Variants in CDH12 observed in about 807,000 individuals in gnomAD.
CDH12 encodes the protein cadherin 12, also known as cadherin-12.
In CDH12, 41 loss-of-function variants were observed where a neutral mutation model predicts 74.1. The observed-to-expected ratio is 0.55, with a 90% CI of 0.43 to 0.72. The LOEUF is 0.72. CDH12 is among the 30% of genes least tolerant of loss of function. The pLI, the probability that CDH12 is intolerant of heterozygous loss-of-function variation, is 0.00. For missense variants in CDH12, 945 were observed against 977.2 expected, an observed-to-expected ratio of 0.97 and a Z score of 0.44; for synonymous variants, 399 against 355.0, an observed-to-expected ratio of 1.12 and a Z score of -1.39.
chr5:22,305,336 C>G (rs1268536966), intron 3 of CDH12, among the ~76,000 whole-genome samples: 1 of 152,148 alleles, frequency 6.6e-6, no homozygotes, highest in African/African-American at 2.4e-5. Context: ...AGCCTCAATT[C>G]AGGTACTTCG....
intron 6 of CDH12, among the ~76,000 whole-genome samples, chr5:21,875,148 C>T (rs533382310): frequency 6.6e-6 from 1 of 152,276 alleles, no homozygotes; most frequent in African/African-American, 2.4e-5. Flanking sequence ...AATTAGTTAA[C>T]CATTGTGGAA....
chr5:22,767,311 G>A (rs1746567948), intron 1 of CDH12, among the ~76,000 whole-genome samples: 1 of 151,772 alleles, frequency 6.6e-6, no homozygotes, highest in Non-Finnish European at 1.5e-5. Flanking sequence ...TTCTTTAATT[G>A]GATATAAACA....
chr5:22,161,767 A>G (rs1748369923), intron 4 of CDH12, among the ~76,000 whole-genome samples: 1 of 152,104 alleles, frequency 6.6e-6, no homozygotes, highest in Non-Finnish European at 1.5e-5. Flanking sequence ...AAAAAAATCC[A>G]AACACCTCAA....
At chr5:22,638,004 T>A (rs563238031) in intron 1 of CDH12, among the ~76,000 whole-genome samples, 1 of 152,174 alleles carries the variant, frequency 6.6e-6, no homozygotes, top group Non-Finnish European at 1.5e-5. Context: ...AATTCACTCA[T>A]ACAAGCACAC....
At position 21,752,115 on chromosome 5, in the gene CDH12, A is replaced by G. The variant is rs764195039; in HGVS notation, c.2007T>C (p.Asp669=). 6 of 1,613,992 alleles carry G rather than the reference A, an allele frequency of 3.7e-6. No homozygotes were observed. The highest frequency in any genetic ancestry group is 4.2e-6 in the Non-Finnish European group (5 of 1,180,000). The part of the protein sequence containing the change: ...HYDDEGGGEE[D]TQAFDIGALR... ...GAGCCCCGATGTCGAAAGCCTGGGTATCTTCCTCCCCACCTCCTTCATCAT... is the reference window on the plus strand; with the variant it reads ...GAGCCCCGATGTCGAAAGCCTGGGTGTCTTCCTCCCCACCTCCTTCATCAT... Residue 669 remains aspartate, a synonymous_variant, in exon 15 of 15, where the codon GAT becomes GAC. Transcript: ENST00000382254.
chr5:21,872,787 T>A (rs12153057), intron 6 of CDH12, among the ~76,000 whole-genome samples: 1 of 61,694 alleles, frequency 1.6e-5, no homozygotes. Flanking sequence ...GAGTAAGATC[T>A]ATCTATCTAT....
At chr5:22,698,723 ATATATATATATAGTGTGTGTGT>A (rs1742542421) in intron 1 of CDH12, among the ~76,000 whole-genome samples, 3 of 16,504 alleles carry the variant, frequency 1.8e-4, no homozygotes, top group African/African-American at 7.7e-4. Flanking sequence ...ATATATATAT[ATATATATATATAGTGTGTGTGT>A]GTGTGTGTGT....
At chr5:21,982,040 C>T (rs947484754) in intron 5 of CDH12, among the ~76,000 whole-genome samples, 8 of 152,042 alleles carry the variant, frequency 5.3e-5, no homozygotes, top group African/African-American at 1.9e-4. Flanking sequence ...CCATAAATTG[C>T]CCAGAGATTT....
At chr5:22,337,523 A>T (rs1418101676) in intron 3 of CDH12, among the ~76,000 whole-genome samples, 1 of 152,056 alleles carries the variant, frequency 6.6e-6, no homozygotes. Flanking sequence ...ATGATAGTGA[A>T]TGTGTCTCAT....
chr5:22,269,485 C>T (rs2150399202), intron 3 of CDH12, among the ~76,000 whole-genome samples: 1 of 152,172 alleles, frequency 6.6e-6, no homozygotes, highest in Middle Eastern at 3.4e-3. Context: ...TATATAGACT[C>T]TTTCTATATA....
Position 22,105,251 on chromosome 5 carries a change from C to T in CDH12, c.-186-26389G>A, listed in dbSNP as rs1744362947. Among the ~76,000 whole-genome samples, 3 of 123,248 alleles carry T rather than the reference C, an allele frequency of 2.4e-5. 1 individual carries two copies. The Admixed American group carries it at 2.5e-4, about 10-fold the overall frequency. 80.9% of individuals were successfully genotyped at this position (123,248 alleles called of 152,430 possible). ...GGATTACAGGCATGCACCAGCACAC[C>T]CAGCTAATTTTTTTTATATTTTCAG... On this transcript the variant is annotated intron_variant, in intron 4 of 14. Transcript: ENST00000382254.
intron 4 of CDH12, among the ~76,000 whole-genome samples, chr5:22,086,890 C>G (rs1018966255): frequency 1.3e-5 from 2 of 152,084 alleles, no homozygotes; most frequent in East Asian, 3.9e-4. Context: ...GTTTGAAAAC[C>G]CTTGACAGTG....
intron 6 of CDH12, among the ~76,000 whole-genome samples, chr5:21,967,998 G>C (rs1756664242): frequency 6.6e-6 from 1 of 152,138 alleles, no homozygotes; most frequent in African/African-American, 2.4e-5. Context: ...CAAGGTAAAG[G>C]CGTCCTCTAC....
chr5:22,476,786 G>GAA, intron 2 of CDH12, among the ~76,000 whole-genome samples: 1 of 152,142 alleles, frequency 6.6e-6, no homozygotes, highest in South Asian at 2.1e-4. Context: ...ACTATATAGG[G>GAA]TGAACTATAC....
intron 1 of CDH12, among the ~76,000 whole-genome samples, chr5:22,773,198 C>T (rs1174989294): frequency 6.6e-6 from 1 of 151,990 alleles, no homozygotes; most frequent in African/African-American, 2.4e-5. Flanking sequence ...ATTACCAAGG[C>T]AATCCTAAGC....
intron 1 of CDH12, among the ~76,000 whole-genome samples, chr5:22,779,828 T>A (rs1747297678): frequency 6.6e-6 from 1 of 152,172 alleles, no homozygotes; most frequent in South Asian, 2.1e-4. Flanking sequence ...CTTTATGAAG[T>A]ACCCAGTTTC....
chr5:22,086,075 C>T (rs962075287), intron 4 of CDH12, among the ~76,000 whole-genome samples: 1 of 152,110 alleles, frequency 6.6e-6, no homozygotes. Flanking sequence ...TGACATATGA[C>T]TCTCTCTCTG....
chr5:22,124,017 G>C (rs1363595827), intron 4 of CDH12, among the ~76,000 whole-genome samples: 1 of 151,168 alleles, frequency 6.6e-6, no homozygotes, highest in East Asian at 1.9e-4. Context: ...TCCCAGGCTG[G>C]AGTGCAGCGG....
rs889369188 is a variant in CDH12 at position 22,687,394 on chromosome 5, A to T, written c.-523+165664T>A. ...GTTGAGACAAATATAGCACTGTAAA[A>T]TTCCTCCACACTTTTTTGTTTTGTT... On this transcript the variant is annotated intron_variant, in intron 1 of 14. Transcript: ENST00000382254. Among the ~76,000 whole-genome samples the T allele has an allele frequency of 3.3e-5, 5 of 152,134 alleles. No individual in the cohort carries two copies. In the East Asian group the frequency reaches 9.6e-4, roughly 29 times the overall value.
Sources: gnomAD v4.1 joint callset for allele counts (sites outside exome capture counted in the v4.1 genomes callset) on GRCh38, gnomAD v4.1.1 for gene constraint, MANE v1.5 for transcripts, NCBI Gene and HGNC (gene_info 2026-07-23, HGNC 2026-07-21) for gene names.